The following CNTNAP3 variants were observed in gnomAD, a reference collection of about 807,000 sequenced individuals.
CNTNAP3 encodes the protein contactin associated protein family member 3, also known as contactin-associated protein-like 3.
A neutral mutation model predicts 92.1 loss-of-function variants in CNTNAP3; 36 were observed. That is an observed-to-expected ratio of 0.39 (90% CI 0.30 to 0.52). The LOEUF (loss-of-function observed/expected upper bound fraction) is 0.52. CNTNAP3 is among the 20% of genes least tolerant of loss of function. The pLI is 0.76. For synonymous variants in CNTNAP3, 232 were observed against 422.3 expected (o/e 0.55, Z 5.53); for missense variants, 534 against 1,069.6 (o/e 0.50, Z 6.98).
intron 12 of CNTNAP3, among the ~76,000 whole-genome samples, chr9:39,137,963 G>A (rs1388856728): frequency 6.6e-6 from 1 of 150,524 alleles, no homozygotes; most frequent in African/African-American, 2.4e-5. Flanking sequence ...AGGCTCAAGC[G>A]ATCCTCCCAC....
intron 13 of CNTNAP3, 87 bp downstream of exon 13, chr9:39,132,845 G>A (rs1334497498): frequency 7.1e-7 from 1 of 1,402,642 alleles, no homozygotes; most frequent in Non-Finnish European, 9.4e-7. Context: ...GAGGGACCCT[G>A]GCCTTTTCTC....
chr9:39,153,146 TA>T (rs150496179), intron 9 of CNTNAP3, among the ~76,000 whole-genome samples: 7 of 3,692 alleles, frequency 1.9e-3, no homozygotes, highest in African/African-American at 5.7e-3. Context: ...CCGGTTATTT[TA>T]ACTTGTGTAA....
rs1024766495 is a variant in CNTNAP3 at position 39,068,700 on chromosome 9, C to T, written c.*5190G>A. 3.9e-5 allele frequency among the ~76,000 whole-genome samples: 6 copies of T among 152,422 alleles called. No homozygotes were observed. Among genetic ancestry groups the T allele is most frequent in the Middle Eastern group, 3.4e-3 (1 of 294 alleles). On this transcript the variant is annotated 3_prime_UTR_variant, in exon 24 of 24. Transcript: ENST00000297668. ...GCAATCTCTAGCCACCTTCGTGTAC[C>T]TGAACTCTCAGCAACAGCTACTCCA...
In CNTNAP3 at chr9:39,069,524, A is replaced by C. The variant is rs1172197776; in HGVS notation, c.*4366T>G. Among the ~76,000 whole-genome samples the C allele has an allele frequency of 6.6e-6, 1 of 152,308 alleles. No individual in the cohort carries two copies. The highest frequency in any genetic ancestry group is 1.9e-4 in the East Asian group (1 of 5,206). On this transcript the variant is annotated 3_prime_UTR_variant, in exon 24 of 24. Coordinates refer to ENST00000297668, the MANE Select transcript of CNTNAP3 (RefSeq NM_033655.5). ...CAACCATGTGAACCTCACATTTTAA[A>C]ATATATAATGGCACAATAAAATGCA...
rs1287706639 is a variant in CNTNAP3, at chr9:39,066,240, A to G, written c.*7650T>C. ...TAATAGGCATTATACGACTTTACACACAGTCTAAGAACCTTACAAACTAAA... is the reference window on the plus strand; with the variant it reads ...TAATAGGCATTATACGACTTTACACGCAGTCTAAGAACCTTACAAACTAAA... On this transcript the variant is annotated 3_prime_UTR_variant, in exon 24 of 24. Coordinates refer to ENST00000297668, the MANE Select transcript of CNTNAP3 (RefSeq NM_033655.5). Among the ~76,000 whole-genome samples, 5 of 152,238 alleles carry G rather than the reference A, an allele frequency of 3.3e-5. No homozygotes were observed. The highest frequency in any genetic ancestry group is 7.3e-5 in the Non-Finnish European group (5 of 68,040).
At chr9:39,142,139 C>G (rs1821591455) in intron 11 of CNTNAP3, among the ~76,000 whole-genome samples, 1 of 152,054 alleles carries the variant, frequency 6.6e-6, no homozygotes. Flanking sequence ...AGTGAATAAC[C>G]ATGGACTAAT....
At chr9:39,136,361 G>C (rs1277602465) in intron 12 of CNTNAP3, among the ~76,000 whole-genome samples, 1 of 151,982 alleles carries the variant, frequency 6.6e-6, no homozygotes, top group Admixed American at 6.6e-5. Flanking sequence ...AAGATCCACT[G>C]TTCTGTTGTC....
chr9:39,146,971 G>A (rs1821718020), intron 10 of CNTNAP3, among the ~76,000 whole-genome samples: 1 of 152,092 alleles, frequency 6.6e-6, no homozygotes, highest in South Asian at 2.1e-4. Context: ...TGTCATGGGA[G>A]GGAACCTGTG....
At chr9:39,122,972 C>G (rs1161255963) in intron 13 of CNTNAP3, among the ~76,000 whole-genome samples, 1 of 151,770 alleles carries the variant, frequency 6.6e-6, no homozygotes, top group African/African-American at 2.4e-5. Flanking sequence ...TCTGGGAAGA[C>G]TGGGAAGTGC....
chr9:39,123,091 A>ATTT (rs773238134), intron 13 of CNTNAP3, among the ~76,000 whole-genome samples: 2,308 of 129,708 alleles, frequency 0.018, 77 homozygotes, highest in South Asian at 0.062. Context: ...TTGGACAATA[A>ATTT]TTTTTTTTTT....
In CNTNAP3 at chr9:39,116,902, A is replaced by T. The variant is rs1329938971; in HGVS notation, c.2237+1201T>A. ...CAGGCCAAACAACTCCATTTTTAGG[A>T]ATCAAATTACTGCTTAGATTAGCTA... On this transcript the variant is annotated intron_variant, in intron 14 of 23. Transcript: ENST00000297668. Among the ~76,000 whole-genome samples, 5 of 152,138 alleles carry T rather than the reference A, an allele frequency of 3.3e-5. No homozygotes were observed. In the East Asian group the frequency reaches 9.6e-4, roughly 29 times the overall value.
At chr9:39,118,896 G>T (rs1820934258) in intron 13 of CNTNAP3, among the ~76,000 whole-genome samples, 2 of 152,180 alleles carry the variant, frequency 1.3e-5, no homozygotes, top group African/African-American at 4.8e-5. Flanking sequence ...TCTGACGAGT[G>T]CACCTCCTTC....
chr9:39,132,206 T>G (rs2118044269), intron 13 of CNTNAP3, among the ~76,000 whole-genome samples: 1 of 152,140 alleles, frequency 6.6e-6, no homozygotes, highest in East Asian at 1.9e-4. Flanking sequence ...TAATTAGCAA[T>G]AAAGTGCTTT....
At chr9:39,135,888 G>A (rs1821417974) in intron 12 of CNTNAP3, among the ~76,000 whole-genome samples, 1 of 152,218 alleles carries the variant, frequency 6.6e-6, no homozygotes, top group African/African-American at 2.4e-5. Flanking sequence ...CCAGCACTTT[G>A]GGAGGCCGAG....
chr9:39,127,838 G>A (rs942670218), intron 13 of CNTNAP3, among the ~76,000 whole-genome samples: 10 of 151,878 alleles, frequency 6.6e-5, no homozygotes, highest in African/African-American at 9.7e-5. Flanking sequence ...GTTTTGTTTT[G>A]TTTTTGGTTT....
chr9:39,100,243 C>T (rs1265047901), intron 17 of CNTNAP3, 93 bp from the exon 18 acceptor site: 7 of 1,510,546 alleles, frequency 4.6e-6, no homozygotes, highest in Non-Finnish European at 6.2e-6. Context: ...TGGAGAGTGG[C>T]AATAATCACA....
chr9:39,085,558 A>C lies in CNTNAP3; in HGVS notation c.3442+178T>G. ...CCAGGAACGCCCTTGCACATCTCAC[A>C]GGTAGCACTTAGTCATGATTATATG... On this transcript the variant is annotated intron_variant, in intron 21 of 23. Transcript: ENST00000297668. The C allele has an allele frequency of 7.9e-6, 5 of 636,000 alleles. No individual in the cohort carries two copies. In the South Asian group the frequency reaches 9.9e-5, roughly 13 times the overall value. 39.4% of individuals were successfully genotyped at this position (636,000 alleles called of 1,614,324 possible).
At chr9:39,143,816 C>A (rs1368897525) in intron 11 of CNTNAP3, among the ~76,000 whole-genome samples, 1 of 152,140 alleles carries the variant, frequency 6.6e-6, no homozygotes, top group South Asian at 2.1e-4. Context: ...GTTAAAAAAT[C>A]TTTAAATACC....
At chr9:39,147,173 A>G (rs1217541713) in intron 10 of CNTNAP3, among the ~76,000 whole-genome samples, 2 of 151,694 alleles carry the variant, frequency 1.3e-5, no homozygotes, top group Non-Finnish European at 2.9e-5. Context: ...GCCATGTGGA[A>G]CTGTGAATCC....
Sources: gnomAD v4.1 joint callset for allele counts (sites outside exome capture counted in the v4.1 genomes callset) on GRCh38, gnomAD v4.1.1 for gene constraint, MANE v1.5 for transcripts, NCBI Gene and HGNC (gene_info 2026-07-23, HGNC 2026-07-21) for gene names.